Variants in MYO5C observed in about 807,000 individuals in gnomAD.
MYO5C encodes myosin VC, also known as unconventional myosin-Vc.
Under a neutral mutation model 235.7 loss-of-function variants are expected in MYO5C, and 194 were observed. That is an observed-to-expected ratio of 0.82 (90% confidence interval 0.73 to 0.93). The LOEUF (loss-of-function observed/expected upper bound fraction) is 0.93. MYO5C is among the 40% of genes least tolerant of loss of function. The pLI is 0.00. For missense variants in MYO5C, 2,038 were observed against 2,127.2 expected (o/e 0.96, Z 0.82); for synonymous variants, 707 against 754.8 (o/e 0.94, Z 1.04).
At chr15:52,226,194 G>A (rs781099329) in intron 25 of MYO5C, among the ~76,000 whole-genome samples, 1 of 152,196 alleles carries the variant, frequency 6.6e-6, no homozygotes, top group Non-Finnish European at 1.5e-5. Flanking sequence ...AAAATATTGA[G>A]TGCAAGGACA....
intron 38 of MYO5C, among the ~76,000 whole-genome samples, chr15:52,203,172 C>A (rs760854407): frequency 6.6e-6 from 1 of 151,958 alleles, no homozygotes; most frequent in Non-Finnish European, 1.5e-5. Flanking sequence ...GATCCGCCCA[C>A]CTCGACCTCC....
In MYO5C at chr15:52,269,851, T is replaced by C. The variant is rs1298344203; in HGVS notation, c.842A>G (p.Glu281Gly). 4 of 1,610,124 alleles carry C rather than the reference T, an allele frequency of 2.5e-6. No homozygotes were observed. The highest frequency in any genetic ancestry group is 1.3e-5 in the African/African-American group (1 of 74,804). The change falls in exon 8 of 41, where the codon GAA becomes GGA. Residue 281 changes from glutamate to glycine, a missense_variant. Physicochemically the swap from Glu to Gly is moderately conservative, Grantham distance 98. Transcript: ENST00000261839. ...EFKHLKLGSA[E>G]EFNYTRMGGN... Reference sequence around the variant, plus strand: ...TCCCATTCTTGTATAATTAAATTCTTCGGCACTCCCTGAAATCAAAAAGTA... The same window carrying C: ...TCCCATTCTTGTATAATTAAATTCTCCGGCACTCCCTGAAATCAAAAAGTA...
intron 36 of MYO5C, among the ~76,000 whole-genome samples, chr15:52,206,943 G>T (rs1289991238): frequency 2.6e-5 from 4 of 152,196 alleles, no homozygotes; most frequent in Non-Finnish European, 5.9e-5. Context: ...GACCAGCCTG[G>T]CCAACATGGT....
intron 2 of MYO5C, among the ~76,000 whole-genome samples, chr15:52,282,376 A>G (rs1225356992): frequency 6.6e-6 from 1 of 151,698 alleles, no homozygotes; most frequent in Non-Finnish European, 1.5e-5. Context: ...GTTTTTCTCT[A>G]CCAGCGTATG....
chr15:52,295,478 C>T, intron 1 of MYO5C, 132 bp downstream of exon 1: 1 of 1,099,086 alleles, frequency 9.1e-7, no homozygotes, highest in Non-Finnish European at 1.2e-6. Context: ...CCGCGGCCCC[C>T]AGCGCGCGCC....
intron 38 of MYO5C, among the ~76,000 whole-genome samples, chr15:52,198,489 T>A: frequency 6.6e-6 from 1 of 152,214 alleles, no homozygotes. Context: ...TGGTTCTCAC[T>A]ATCCCTCATT....
intron 4 of MYO5C, among the ~76,000 whole-genome samples, chr15:52,277,535 T>G (rs546436045): frequency 3.3e-5 from 5 of 152,320 alleles, no homozygotes; most frequent in African/African-American, 1.2e-4. Context: ...AGTGCCCCTC[T>G]GTGCATTTGA....
At chr15:52,269,465 C>T (rs931018508) in intron 8 of MYO5C, among the ~76,000 whole-genome samples, 16 of 133,010 alleles carry the variant, frequency 1.2e-4, no homozygotes, top group Admixed American at 1.7e-4. Context: ...GATCTCGGCT[C>T]GATGCAACCC....
intron 8 of MYO5C, among the ~76,000 whole-genome samples, chr15:52,266,305 G>C (rs1325923178): frequency 1.3e-5 from 2 of 152,220 alleles, no homozygotes; most frequent in South Asian, 2.1e-4. Context: ...TGAGGTCCCA[G>C]GGACAGCCTG....
At chr15:52,200,992 C>T (rs2035175039) in intron 38 of MYO5C, among the ~76,000 whole-genome samples, 1 of 152,118 alleles carries the variant, frequency 6.6e-6, no homozygotes, top group African/African-American at 2.4e-5. Context: ...CCAATCTGAA[C>T]AGCACAGAAG....
rs773058359 is a variant in MYO5C at position 52,225,153 on chromosome 15, C to T, written c.3302-15G>A. Reference sequence around the variant, plus strand: ...TGACATCTTTTCTGAAAGGGAAAGGCAGAGTTGTATATATTACATTTGTGG... The same window carrying T: ...TGACATCTTTTCTGAAAGGGAAAGGTAGAGTTGTATATATTACATTTGTGG... On this transcript the variant is annotated splice_polypyrimidine_tract_variant and intron_variant, in intron 26 of 40. Coordinates refer to ENST00000261839, the MANE Select transcript of MYO5C (RefSeq NM_018728.4). 9.3e-6 allele frequency: 15 copies of T among 1,613,346 alleles called. No individual in the cohort carries two copies. The highest frequency in any genetic ancestry group is 1.3e-5 in the African/African-American group (1 of 74,906).
intron 36 of MYO5C, 113 bp from the exon 37 acceptor site, chr15:52,206,079 G>T (rs983458410): frequency 3.0e-6 from 2 of 667,910 alleles, no homozygotes; most frequent in Non-Finnish European, 4.6e-6. Flanking sequence ...TATATCAAAT[G>T]AGTTCATGAT....
At chr15:52,199,018 C>T (rs1011510807) in intron 38 of MYO5C, among the ~76,000 whole-genome samples, 2 of 152,094 alleles carry the variant, frequency 1.3e-5, no homozygotes, top group East Asian at 1.9e-4. Context: ...CTCAGCCTGC[C>T]GAGTAGCTGG....
intron 12 of MYO5C, 97 bp downstream of exon 12, chr15:52,253,220 T>A: frequency 1.7e-6 from 2 of 1,186,384 alleles, no homozygotes; most frequent in Non-Finnish European, 1.2e-6. Context: ...TGGATAAACA[T>A]CAGGACTTCA....
intron 4 of MYO5C, chr15:52,277,183 C>G: frequency 3.8e-6 from 2 of 529,792 alleles, no homozygotes; most frequent in Non-Finnish European, 3.9e-6. Flanking sequence ...TTCTACAGCC[C>G]TGAGGGACAC....
intron 7 of MYO5C, 137 bp from the exon 8 acceptor site, chr15:52,269,997 C>T (rs1474351537): frequency 1.6e-6 from 1 of 641,118 alleles, no homozygotes; most frequent in Non-Finnish European, 2.7e-6. Context: ...TTCCTTAGAA[C>T]TCTGCATTAC....
intron 38 of MYO5C, among the ~76,000 whole-genome samples, chr15:52,202,544 G>GA (rs891385934): frequency 6.6e-6 from 1 of 152,164 alleles, no homozygotes; most frequent in African/African-American, 2.4e-5. Flanking sequence ...AGTCTTGGGG[G>GA]ATCCACTGAG....
Position 52,196,396 on chromosome 15 carries a change from C to T in MYO5C, c.4908G>A (p.Gln1636=). The change falls in exon 39 of 41, where the codon CAG becomes CAA. Residue 1636 remains glutamine, a synonymous_variant. Coordinates refer to ENST00000261839, the MANE Select transcript of MYO5C (RefSeq NM_018728.4). The part of the protein sequence containing the change: ...LAKETLEPLS[Q]AAWLLQVKKT... ...TCTTGACCTGAAGCAACCAGGCTGC[C>T]TGAGAGAGGGGCTCCAAAGTTTCCT... 1.9e-6 allele frequency: 3 copies of T among 1,614,198 alleles called. No individual in the cohort carries two copies. Among genetic ancestry groups the T allele is most frequent in the Non-Finnish European group, 2.5e-6 (3 of 1,180,036 alleles).
intron 32 of MYO5C, among the ~76,000 whole-genome samples, chr15:52,217,689 A>G (rs1389691088): frequency 6.6e-6 from 1 of 152,232 alleles, no homozygotes; most frequent in East Asian, 1.9e-4. Flanking sequence ...TTTTGGATGT[A>G]ACCACTCTTC....
Sources: allele counts gnomAD v4.1 joint callset (sites outside exome capture counted in the v4.1 genomes callset), GRCh38; gene constraint gnomAD v4.1.1; transcripts MANE v1.5; gene names NCBI Gene and HGNC (gene_info 2026-07-23, HGNC 2026-07-21).